SKAP2: variants seen among roughly 807,000 people sequenced by gnomAD.
SKAP2 encodes src kinase associated phosphoprotein 2.
In SKAP2, 28 loss-of-function variants were observed where a neutral mutation model predicts 54.9. The observed-to-expected ratio is 0.51, with a 90% CI of 0.38 to 0.70. The LOEUF is 0.70. SKAP2 is among the 30% of genes least tolerant of loss of function. The probability of loss-of-function intolerance (pLI) is 0.00; values close to 1 mark genes in which losing one functional copy is unlikely to be tolerated. For missense variants in SKAP2, 356 were observed against 424.1 expected (o/e 0.84, Z 1.41); for synonymous variants, 137 against 134.3 (o/e 1.02, Z -0.14).
At chr7:26,726,838 A>G in intron 7 of SKAP2, 44 bp downstream of exon 7, 4 of 1,521,196 alleles carry the variant, frequency 2.6e-6, no homozygotes, top group Non-Finnish European at 3.6e-6. Flanking sequence ...ATGAAATCAA[A>G]ACATTTTATC....
chr7:26,757,486 T>C (rs1384784750), intron 4 of SKAP2, among the ~76,000 whole-genome samples: 1 of 152,160 alleles, frequency 6.6e-6, no homozygotes, highest in African/African-American at 2.4e-5. Context: ...CGGTTGCAGA[T>C]GTGTGGTATT....
At chr7:26,788,261 C>T (rs1327232311) in intron 4 of SKAP2, among the ~76,000 whole-genome samples, 1 of 152,112 alleles carries the variant, frequency 6.6e-6, no homozygotes, top group Admixed American at 6.6e-5. Flanking sequence ...CCAGAACAAT[C>T]AGTAGATAAT....
chr7:26,775,370 T>C (rs1783282339), intron 4 of SKAP2, among the ~76,000 whole-genome samples: 1 of 152,186 alleles, frequency 6.6e-6, no homozygotes, highest in Admixed American at 6.5e-5. Context: ...TACTTTTAGA[T>C]TCACATGCAT....
At chr7:26,720,805 T>C (rs1440791918) in intron 9 of SKAP2, among the ~76,000 whole-genome samples, 1 of 152,166 alleles carries the variant, frequency 6.6e-6, no homozygotes. Flanking sequence ...GAGAACTGGA[T>C]AGGGGACACT....
At chr7:26,784,425 ATTAGGCTTTC>A (rs1157088362) in intron 4 of SKAP2, among the ~76,000 whole-genome samples, 5 of 152,250 alleles carry the variant, frequency 3.3e-5, no homozygotes, top group Non-Finnish European at 7.3e-5. Context: ...CAAGCTACAA[ATTAGGCTTTC>A]TTCTTCTGTG....
intron 9 of SKAP2, among the ~76,000 whole-genome samples, chr7:26,720,995 G>A (rs1787565431): frequency 6.6e-6 from 1 of 152,070 alleles, no homozygotes; most frequent in East Asian, 1.9e-4. Flanking sequence ...TCACCACATT[G>A]ATAACTTCAC....
intron 4 of SKAP2, 46 bp downstream of exon 4, chr7:26,843,984 A>T (rs755733294): frequency 8.5e-7 from 1 of 1,170,830 alleles, no homozygotes; most frequent in South Asian, 1.2e-5. Flanking sequence ...TATATATAGC[A>T]TTGTTTTGTG....
the SKAP2 span, among the ~76,000 whole-genome samples, chr7:26,659,354 T>A: frequency 6.6e-6 from 1 of 152,118 alleles, no homozygotes; most frequent in Non-Finnish European, 1.5e-5. Context: ...TAAACAACTG[T>A]AGGAGTTTTC....
chr7:26,735,348 T>C (rs888035663), intron 6 of SKAP2, among the ~76,000 whole-genome samples: 1 of 152,158 alleles, frequency 6.6e-6, no homozygotes, highest in Non-Finnish European at 1.5e-5. Context: ...TATGAAAGGA[T>C]GAATAAGATT....
intron 4 of SKAP2, among the ~76,000 whole-genome samples, chr7:26,779,676 C>T (rs1279617687): frequency 6.6e-6 from 1 of 151,812 alleles, no homozygotes; most frequent in Non-Finnish European, 1.5e-5. Flanking sequence ...TGAGAAATTA[C>T]TGGAGGATTT....
At chr7:26,847,598 A>G (rs1462737557) in intron 3 of SKAP2, among the ~76,000 whole-genome samples, 1 of 152,234 alleles carries the variant, frequency 6.6e-6, no homozygotes, top group Admixed American at 6.5e-5. Flanking sequence ...ATTTACAGAC[A>G]TAAGTGAAAG....
rs1425169968 is a variant in SKAP2 at position 26,844,121 on chromosome 7, C to T, written c.216G>A (p.Gly72=). 5.0e-6 allele frequency: 8 copies of T among 1,606,262 alleles called. No individual in the cohort carries two copies. The South Asian group carries it at 7.7e-5, about 15-fold the overall frequency. The change falls in exon 4 of 13, where the codon GGG becomes GGA. Residue 72 remains glycine (G), a synonymous_variant. Transcript: ENST00000345317. ...EFQDKGDAED[G]EEYDDPFAGP... ...CAGCAAAAGGGTCATCATATTCTTC[C>T]CCATCTTCTGCATCACCTGTTAAAA...
intron 3 of SKAP2, among the ~76,000 whole-genome samples, chr7:26,845,239 G>C (rs1232293932): frequency 6.6e-6 from 1 of 152,110 alleles, no homozygotes; most frequent in African/African-American, 2.4e-5. Flanking sequence ...CTCTCCAAAA[G>C]GGTATCTTTG....
At chr7:26,813,466 A>G (rs532879483) in intron 4 of SKAP2, among the ~76,000 whole-genome samples, 231 of 152,368 alleles carry the variant, frequency 1.5e-3, no homozygotes, top group African/African-American at 5.3e-3. Context: ...CTGTCAATCA[A>G]CAATAAAGTA....
At chr7:26,728,955 A>G (rs1211912653) in intron 6 of SKAP2, among the ~76,000 whole-genome samples, 2 of 152,102 alleles carry the variant, frequency 1.3e-5, no homozygotes, top group Non-Finnish European at 2.9e-5. Context: ...TCATCAATGT[A>G]ACTTGAATGC....
At chr7:26,796,399 G>A (rs540673544) in intron 4 of SKAP2, among the ~76,000 whole-genome samples, 9 of 152,330 alleles carry the variant, frequency 5.9e-5, no homozygotes, top group Non-Finnish European at 8.8e-5. Flanking sequence ...GCATATCGCA[G>A]TAAAAAGTGA....
Position 26,762,504 on chromosome 7 carries a change from A to C in SKAP2, c.308-22540T>G, listed in dbSNP as rs186240468. Among the ~76,000 whole-genome samples the C allele has an allele frequency of 6.4e-4, 97 of 152,206 alleles. 1 individual carries two copies. The highest frequency in any genetic ancestry group is 1.1e-3 in the Non-Finnish European group (77 of 68,006). On this transcript the variant is annotated intron_variant, in intron 4 of 12. Coordinates refer to ENST00000345317, the MANE Select transcript of SKAP2 (RefSeq NM_003930.5). ...TCCACACACACATGCAATACTGCCC[A>C]ATATATCCTAAAGACGCTAATGCTT...
intron 4 of SKAP2, among the ~76,000 whole-genome samples, chr7:26,766,978 C>A (rs1023981150): frequency 2.6e-5 from 4 of 152,134 alleles, no homozygotes; most frequent in Admixed American, 6.5e-5. Context: ...TGATGCTGGC[C>A]TCATAAAATG....
chr7:26,684,952 AGTCT>A, intron 10 of SKAP2, 104 bp from the exon 11 acceptor site: 1 of 654,802 alleles, frequency 1.5e-6, no homozygotes, highest in Non-Finnish European at 2.7e-6. Flanking sequence ...TCACTAAAAT[AGTCT>A]AAAAAAATTA....
Sources: allele counts gnomAD v4.1 joint callset (sites outside exome capture counted in the v4.1 genomes callset), GRCh38; gene constraint gnomAD v4.1.1; transcripts MANE v1.5; gene names NCBI Gene and HGNC (gene_info 2026-07-23, HGNC 2026-07-21).